Variants in ILDR2 observed in about 807,000 individuals in gnomAD.
ILDR2 encodes the protein immunoglobulin like domain containing receptor 2.
Under a neutral mutation model 66.8 loss-of-function variants are expected in ILDR2, and 25 were observed. The observed-to-expected ratio is 0.37, with a 90% CI of 0.27 to 0.52. The LOEUF is 0.52. ILDR2 is among the 20% of genes least tolerant of loss of function. The pLI is 0.88. For missense variants in ILDR2, 827 were observed against 876.8 expected, an observed-to-expected ratio of 0.94 and a Z score of 0.72; for synonymous variants, 367 against 357.2, an observed-to-expected ratio of 1.03 and a Z score of -0.31.
In ILDR2 at chr1:166,918,956, T is replaced by A. The variant is rs1659744326; in HGVS notation, c.*399A>T. On this transcript the variant is annotated 3_prime_UTR_variant, in exon 10 of 10. Coordinates refer to ENST00000271417, the MANE Select transcript of ILDR2 (RefSeq NM_199351.3). ...AGTAATAAATTCTTCTGTCTCTAAG[T>A]ATAGCACAGGAGGTATAGAAAAGCA... 1 of 335,448 alleles carries A rather than the reference T, an allele frequency of 3.0e-6. No homozygotes were observed. Among genetic ancestry groups the A allele is most frequent in the Non-Finnish European group, 5.4e-6 (1 of 186,212 alleles). 20.8% of individuals were successfully genotyped at this position (335,448 alleles called of 1,614,324 possible). A position where few individuals can be genotyped will look rare whatever the true frequency, so the allele number is the denominator to read the frequency against.
rs752853848 is a variant in ILDR2, at chr1:166,920,958, C to T, written c.1633G>A (p.Gly545Ser). 23 of 1,482,748 alleles carry T rather than the reference C, an allele frequency of 1.6e-5. No homozygotes were observed. The highest frequency in any genetic ancestry group is 2.8e-5 in the East Asian group (1 of 35,780). 91.8% of individuals were successfully genotyped at this position (1,482,748 alleles called of 1,614,324 possible). A position where few individuals can be genotyped will look rare whatever the true frequency, so the allele number is the denominator to read the frequency against. Residue 545 changes from glycine to serine, a missense_variant, in exon 9 of 10, where the codon GGT becomes AGT. Physicochemically the swap from Gly to Ser is moderately conservative, Grantham distance 56. Around this residue, in one of 2 missense-constraint regions of ILDR2, gnomAD observed 390 missense variants for 353.6 expected, o/e 1.10. Transcript: ENST00000271417. ...TTGGATGGCGTCTCCAGGCTGCCACCGCGGCTGGCGCCCTCGGGCCGCGCC... is the reference window on the plus strand; with the variant it reads ...TTGGATGGCGTCTCCAGGCTGCCACTGCGGCTGGCGCCCTCGGGCCGCGCC... ...RQARPEGASR[G>S]GSLETPSKRS...
intron 1 of ILDR2, among the ~76,000 whole-genome samples, chr1:166,972,062 A>T (rs572779871): frequency 6.6e-6 from 1 of 152,164 alleles, no homozygotes; most frequent in African/African-American, 2.4e-5. Context: ...AAATACAAAA[A>T]TTAGCCAGGT....
chr1:166,902,397 A>C (rs1225679536), intron 2 of ILDR2, among the ~76,000 whole-genome samples: 1 of 152,212 alleles, frequency 6.6e-6, no homozygotes, highest in Non-Finnish European at 1.5e-5. Flanking sequence ...TGACTCAGAG[A>C]GCAGTAACTC....
In ILDR2 at chr1:166,956,804, T is replaced by C; in HGVS notation, c.428A>G (p.Tyr143Cys). Reference sequence around the variant, plus strand: ...ATCTGGGGTGGTGATAATACAGTAATAGAGTCCGCTGTCTCCCCACATAAG... The same window carrying C: ...ATCTGGGGTGGTGATAATACAGTAACAGAGTCCGCTGTCTCCCCACATAAG... ...GKLMWGDSGLYYCIITTPDDL... is the reference protein window; with the variant it reads ...GKLMWGDSGLCYCIITTPDDL... Residue 143 changes from tyrosine (Y) to cysteine (C), a missense_variant, in exon 3 of 10, where the codon TAT becomes TGT. By Grantham distance (194) the Tyr-to-Cys change is radical. Transcript: ENST00000271417. 6.2e-7 allele frequency: 1 copy of C among 1,613,988 alleles called. No individual in the cohort carries two copies. Among genetic ancestry groups the C allele is most frequent in the Non-Finnish European group, 8.5e-7 (1 of 1,179,912 alleles).
At chr1:166,907,538 C>T (rs989059331), downstream of ILDR2, among the ~76,000 whole-genome samples, 1 of 152,190 alleles carries the variant, frequency 6.6e-6, no homozygotes, top group Non-Finnish European at 1.5e-5. Flanking sequence ...AGTCTCCCCA[C>T]TCCACAATCT....
intron 2 of ILDR2, among the ~76,000 whole-genome samples, chr1:166,902,313 A>G (rs188101419): frequency 2.0e-3 from 307 of 152,272 alleles, no homozygotes; most frequent in Non-Finnish European, 3.5e-3. Context: ...CTCTGAATCA[A>G]CCCTTCTTCC....
chr1:166,929,008 C>T (rs1446935210), intron 6 of ILDR2, among the ~76,000 whole-genome samples: 1 of 152,142 alleles, frequency 6.6e-6, no homozygotes, highest in Non-Finnish European at 1.5e-5. Flanking sequence ...AATTAAAATG[C>T]AATTATCCCA....
intron 1 of ILDR2, among the ~76,000 whole-genome samples, chr1:166,960,456 T>A (rs1174896496): frequency 6.6e-6 from 1 of 152,196 alleles, no homozygotes; most frequent in African/African-American, 2.4e-5. Flanking sequence ...TCTTAAGCAA[T>A]CTGAGACTCA....
chr1:166,906,180 A>G (rs927375056), downstream of ILDR2, among the ~76,000 whole-genome samples: 1 of 152,230 alleles, frequency 6.6e-6, no homozygotes, highest in Non-Finnish European at 1.5e-5. Context: ...TTAAGCTCAC[A>G]CTACAAGACC....
At chr1:166,903,944 C>G (rs1659300832), downstream of ILDR2, among the ~76,000 whole-genome samples, 2 of 152,194 alleles carry the variant, frequency 1.3e-5, no homozygotes, top group Non-Finnish European at 2.9e-5. Flanking sequence ...TTTTCCTCCT[C>G]TTAACAGTCA....
intron 9 of ILDR2, among the ~76,000 whole-genome samples, chr1:166,920,449 C>T (rs1659843487): frequency 6.6e-6 from 1 of 152,228 alleles, no homozygotes; most frequent in East Asian, 1.9e-4. Context: ...ACCATATACA[C>T]GCCTTCAACT....
intron 1 of ILDR2, among the ~76,000 whole-genome samples, chr1:166,971,560 A>C (rs1486053587): frequency 6.6e-6 from 1 of 152,120 alleles, no homozygotes; most frequent in East Asian, 1.9e-4. Flanking sequence ...TCCCTGACTC[A>C]AGCAATCCTC....
intron 3 of ILDR2, among the ~76,000 whole-genome samples, chr1:166,952,667 G>A (rs1264368378): frequency 3.3e-5 from 5 of 152,130 alleles, no homozygotes; most frequent in Non-Finnish European, 7.4e-5. Context: ...TTAGAGCTTC[G>A]GTCAATGGTT....
At chr1:166,908,012 A>G (rs1238472829), downstream of ILDR2, 1 of 152,238 alleles carries the variant, frequency 6.6e-6, no homozygotes, top group Admixed American at 6.5e-5. Context: ...GGACCAGAAA[A>G]GAGAATGTGG....
Position 166,927,077 on chromosome 1 carries a change from C to T in ILDR2, c.984G>A (p.Met328Ile), listed in dbSNP as rs1660345444. The T allele has an allele frequency of 3.7e-6, 6 of 1,606,792 alleles. No homozygotes were observed. The highest frequency in any genetic ancestry group is 1.3e-5 in the African/African-American group (1 of 74,722). The stretch of plus-strand genomic sequence containing the variant: ...CTAACAGATGCTCACATCTGCCTCT[C>T]ATCCTTCTGGCTGGATCAAACTGAG... ...ELAQFDPARRMRGRYNNTISE... is the reference protein window; with the variant it reads ...ELAQFDPARRIRGRYNNTISE... The change falls in exon 7 of 10, where the codon ATG becomes ATA. Residue 328 changes from methionine (M) to isoleucine (I), a missense_variant. Around this residue, in one of 2 missense-constraint regions of ILDR2, gnomAD observed 437 missense variants for 523.2 expected, o/e 0.84. Transcript: ENST00000271417.
rs1332843227 is a variant in ILDR2, at chr1:166,909,627, G to T, written c.*9728C>A. ...CAACAAAAAGAGGCTGGGAGGGTGG[G>T]GTTGTATATTAATGTCCATTATAAT... is the stretch of plus-strand genomic sequence containing the variant. On this transcript the variant is annotated 3_prime_UTR_variant, in exon 10 of 10. Coordinates refer to ENST00000271417, the MANE Select transcript of ILDR2 (RefSeq NM_199351.3). The T allele has an allele frequency of 6.6e-6, 1 of 151,026 alleles. No individual in the cohort carries two copies. Among genetic ancestry groups the T allele is most frequent in the East Asian group, 2.0e-4 (1 of 5,096 alleles). 9.4% of individuals were successfully genotyped at this position (151,026 alleles called of 1,614,324 possible).
intron 6 of ILDR2, 25 bp downstream of exon 6, chr1:166,935,276 C>T: frequency 5.0e-6 from 8 of 1,613,482 alleles, no homozygotes; most frequent in Non-Finnish European, 6.8e-6. Flanking sequence ...CAAGCATGGG[C>T]AGGGCAGTCT....
chr1:166,921,591 C>A lies in ILDR2; in HGVS notation c.1212-212G>T, dbSNP rs1020130337. Among the ~76,000 whole-genome samples the A allele has an allele frequency of 1.6e-4, 24 of 152,186 alleles. No homozygotes were observed. The highest frequency in any genetic ancestry group is 5.6e-4 in the African/African-American group (23 of 41,438). ...CCGAGTCTATTCCACTCGTGTGCCA[C>A]GCATCAAAATGGGGTTGTGTGGATA... is the stretch of plus-strand genomic sequence containing the variant. On this transcript the variant is annotated intron_variant, in intron 8 of 9. Coordinates refer to ENST00000271417, the MANE Select transcript of ILDR2 (RefSeq NM_199351.3). The surrounding 1 kb of genome is among the most constrained non-coding windows in gnomAD (Gnocchi z 5.3).
rs780269394 is a variant in ILDR2 at position 166,920,732 on chromosome 1, CTCT to C, written c.1856_1858del (p.Lys619del). The C allele has an allele frequency of 6.2e-6, 9 of 1,443,898 alleles. No individual in the cohort carries two copies. The highest frequency in any genetic ancestry group is 3.0e-5 in the South Asian group (2 of 67,488). 89.4% of individuals were successfully genotyped at this position (1,443,898 alleles called of 1,614,324 possible). A position where few individuals can be genotyped will look rare whatever the true frequency, so the allele number is the denominator to read the frequency against. ...GGTTTTCTTGGCGGGCTCCTTTTTC[CTCT>C]TCTTCTCCGAGTTGCTGTGGTAGGG... On this transcript the variant is annotated inframe_deletion, in exon 9 of 10. Coordinates refer to ENST00000271417, the MANE Select transcript of ILDR2 (RefSeq NM_199351.3).
Sources: allele counts gnomAD v4.1 joint callset (sites outside exome capture counted in the v4.1 genomes callset), GRCh38; gene constraint gnomAD v4.1.1; regional missense constraint gnomAD v4.1.1; non-coding constraint Gnocchi (gnomAD v3.1); transcripts MANE v1.5; gene names NCBI Gene and HGNC (gene_info 2026-07-23, HGNC 2026-07-21).